The following ELP4 variants were observed in gnomAD, a reference collection of about 807,000 sequenced individuals.
The protein encoded by ELP4 is elongator complex protein 4.
Under a neutral mutation model 48.9 loss-of-function variants are expected in ELP4, and 51 were observed. That is an observed-to-expected ratio of 1.04 (90% confidence interval 0.83 to 1.32). ELP4 has a LOEUF of 1.32. Among genes scored for constraint, ELP4 ranks in the 40% most tolerant of loss-of-function variants. The pLI is 0.00. For missense variants in ELP4, 519 were observed against 514.6 expected (o/e 1.01, Z -0.08); for synonymous variants, 210 against 189.2 (o/e 1.11, Z -0.90).
intron 2 of ELP4, among the ~76,000 whole-genome samples, chr11:31,521,117 T>C (rs1389156794): frequency 3.3e-5 from 5 of 152,100 alleles, no homozygotes; most frequent in Non-Finnish European, 5.9e-5. Flanking sequence ...AAAGTGGTGA[T>C]GCTTAAAATT....
intron 9 of ELP4, among the ~76,000 whole-genome samples, chr11:31,701,653 C>T (rs1003250792): frequency 6.6e-6 from 1 of 150,750 alleles, no homozygotes; most frequent in African/African-American, 2.4e-5. Context: ...CCTGTATTTT[C>T]AGTTAATTAA....
intron 9 of ELP4, 156 bp downstream of exon 9, chr11:31,650,377 CAAT>C (rs1381467638): frequency 1.7e-5 from 7 of 422,512 alleles, no homozygotes; most frequent in African/African-American, 1.2e-4. Context: ...TCTAATATAA[CAAT>C]AATTTTTTAG....
chr11:31,783,617 C>A lies in ELP4; in HGVS notation c.*93C>A, dbSNP rs891547132. On this transcript the variant is annotated 3_prime_UTR_variant, in exon 10 of 10. Transcript: ENST00000640961. ...TAAATATTTTTCTTAACAATTTGAC[C>A]CTCCACTCCTTGAAAAACACAGGAT... The A allele has an allele frequency of 5.8e-6, 7 of 1,212,516 alleles. No homozygotes were observed. Among genetic ancestry groups the A allele is most frequent in the Non-Finnish European group, 7.9e-6 (7 of 891,578 alleles). The allele number at this position is 1,212,516 out of a possible 1,614,324, so 75.1% of individuals were successfully genotyped here. A position where few individuals can be genotyped will look rare whatever the true frequency, so the allele number is the denominator to read the frequency against.
intron 9 of ELP4, among the ~76,000 whole-genome samples, chr11:31,723,464 C>T (rs1472048655): frequency 6.6e-6 from 1 of 151,934 alleles, no homozygotes; most frequent in African/African-American, 2.4e-5. Context: ...AACATTAAAC[C>T]CCAAACACAG....
intron 9 of ELP4, among the ~76,000 whole-genome samples, chr11:31,724,070 C>G (rs1326641381): frequency 6.6e-6 from 1 of 152,202 alleles, no homozygotes; most frequent in African/African-American, 2.4e-5. Context: ...TAACCCTCAC[C>G]TCTACCCCCA....
At chr11:31,551,729 A>T (rs546482711) in intron 3 of ELP4, among the ~76,000 whole-genome samples, 3 of 152,328 alleles carry the variant, frequency 2.0e-5, no homozygotes, top group East Asian at 3.9e-4. Context: ...GCTATTTCTA[A>T]GAAAAATGGA....
At chr11:31,583,475 G>T (rs1471191531) in intron 3 of ELP4, among the ~76,000 whole-genome samples, 1 of 152,034 alleles carries the variant, frequency 6.6e-6, no homozygotes, top group Non-Finnish European at 1.5e-5. Context: ...GTGGTGTGCG[G>T]CATGTGGTCC....
intron 9 of ELP4, among the ~76,000 whole-genome samples, chr11:31,688,719 T>A (rs551077483): frequency 6.6e-6 from 1 of 152,388 alleles, no homozygotes; most frequent in Non-Finnish European, 1.5e-5. Flanking sequence ...GCTATTATTT[T>A]ACTAATATGC....
chr11:31,782,523 G>A (rs1283573219), intron 9 of ELP4, among the ~76,000 whole-genome samples: 3 of 152,184 alleles, frequency 2.0e-5, no homozygotes, highest in Non-Finnish European at 4.4e-5. Context: ...TTGCGAGCTG[G>A]GAGCACGGAG....
intron 9 of ELP4, among the ~76,000 whole-genome samples, chr11:31,747,504 T>A (rs1488700913): frequency 6.6e-6 from 1 of 152,188 alleles, no homozygotes; most frequent in Non-Finnish European, 1.5e-5. Context: ...CTAGATGGAA[T>A]TTTATAAAAT....
intron 9 of ELP4, among the ~76,000 whole-genome samples, chr11:31,744,624 A>G (rs1403510592): frequency 6.6e-6 from 1 of 152,244 alleles, no homozygotes; most frequent in Admixed American, 6.5e-5. Context: ...TTTAAACAGA[A>G]CCAAAGACAA....
At chr11:31,584,779 CTTCCCAAA>C (rs553100389) in intron 3 of ELP4, among the ~76,000 whole-genome samples, 2 of 152,298 alleles carry the variant, frequency 1.3e-5, no homozygotes, top group Admixed American at 6.5e-5. Flanking sequence ...CCCACCTCGG[CTTCCCAAA>C]ATACTGGGAT....
intron 9 of ELP4, among the ~76,000 whole-genome samples, chr11:31,748,829 C>T (rs1352083632): frequency 6.6e-6 from 1 of 151,954 alleles, no homozygotes; most frequent in Admixed American, 6.6e-5. Context: ...CATAGCAAGA[C>T]CCCATCTGTA....
At chr11:31,775,993 T>TA (rs980378205) in intron 9 of ELP4, among the ~76,000 whole-genome samples, 2 of 151,138 alleles carry the variant, frequency 1.3e-5, no homozygotes, top group African/African-American at 2.4e-5. Flanking sequence ...AATTAAAAAT[T>TA]AAAAAAAATC....
intron 1 of ELP4, chr11:31,512,392 T>A (rs946448848): frequency 1.3e-5 from 2 of 152,204 alleles, no homozygotes; most frequent in African/African-American, 4.8e-5. Context: ...TACATGCTAA[T>A]TGTTAGTCAT....
chr11:31,641,527 TGA>T (rs1945096731), intron 7 of ELP4, among the ~76,000 whole-genome samples: 1 of 151,852 alleles, frequency 6.6e-6, no homozygotes, highest in African/African-American at 2.4e-5. Context: ...ATTGATCTGG[TGA>T]AAATAAGACA....
chr11:31,534,282 T>C lies in ELP4; in HGVS notation c.260-5380T>C, dbSNP rs144974949. Among the ~76,000 whole-genome samples, 81 of 151,830 alleles carry C rather than the reference T, an allele frequency of 5.3e-4. No homozygotes were observed. The East Asian group carries it at 0.013, about 25-fold the overall frequency. ...AGGTGGATTGGTGTGTGTGTGTGTG[T>C]GTGTGTGTGTATGAGAGCGAGAGAG... On this transcript the variant is annotated intron_variant, in intron 2 of 9. Transcript: ENST00000640961.
intron 3 of ELP4, among the ~76,000 whole-genome samples, chr11:31,573,244 GGC>G (rs1260577686): frequency 6.6e-6 from 1 of 152,066 alleles, no homozygotes; most frequent in Non-Finnish European, 1.5e-5. Context: ...CTTGACCCCT[GGC>G]AACCTCCAGT....
intron 9 of ELP4, among the ~76,000 whole-genome samples, chr11:31,780,382 C>G (rs1197384879): frequency 6.6e-6 from 1 of 152,206 alleles, no homozygotes; most frequent in Non-Finnish European, 1.5e-5. Context: ...ACAAAACCCA[C>G]TGCTTGAGAA....
Sources: gnomAD v4.1 joint callset for allele counts (sites outside exome capture counted in the v4.1 genomes callset) on GRCh38, gnomAD v4.1.1 for gene constraint, MANE v1.5 for transcripts, NCBI Gene and HGNC (gene_info 2026-07-23, HGNC 2026-07-21) for gene names.